RPL18: variants seen among roughly 807,000 people sequenced by gnomAD.
RPL18 encodes the protein large ribosomal subunit protein eL18.
In RPL18, 4 loss-of-function variants were observed where a neutral mutation model predicts 25.0. The ratio of observed to expected loss-of-function variants is 0.16; its 90% CI spans 0.08 to 0.37. RPL18 has a LOEUF of 0.37. Among genes scored for constraint, RPL18 ranks in the 10% least tolerant of loss-of-function variants. The probability of loss-of-function intolerance (pLI) is 1.00; values close to 1 mark genes in which losing one functional copy is unlikely to be tolerated. For missense variants in RPL18, 179 were observed against 267.9 expected, an observed-to-expected ratio of 0.67 and a Z score of 2.32; for synonymous variants, 129 against 101.6, an observed-to-expected ratio of 1.27 and a Z score of -1.62.
At position 48,619,146 on chromosome 19, in the gene RPL18, T is replaced by C. The variant is rs749854423; in HGVS notation, c.-3A>G. ...ACGCCGCAAAGCGAGCTCACCATGA[T>C]GGCGCCTCCTGCTCGGCCAGGTCCG... On this transcript the variant is annotated 5_prime_UTR_variant, in exon 1 of 7. Transcript: ENST00000549920. The C allele has an allele frequency of 2.9e-5, 38 of 1,299,558 alleles. No homozygotes were observed. Among genetic ancestry groups the C allele is most frequent in the South Asian group, 8.4e-5 (7 of 83,678 alleles). The allele number at this position is 1,299,558 out of a possible 1,614,324, so 80.5% of individuals were successfully genotyped here. A position where few individuals can be genotyped will look rare whatever the true frequency, so the allele number is the denominator to read the frequency against.
At chr19:48,615,801 G>T in intron 6 of RPL18, 76 bp downstream of exon 6, 1 of 1,321,134 alleles carries the variant, frequency 7.6e-7, no homozygotes, top group Non-Finnish European at 1.1e-6. Context: ...GATAGGAGAA[G>T]CAGCCCAAGT....
At chr19:48,617,102 A>G (rs554259327) in intron 3 of RPL18, 1 of 706,858 alleles carries the variant, frequency 1.4e-6, no homozygotes, top group South Asian at 1.5e-5. Context: ...GGACACCTCC[A>G]CCTCACAAAG....
At chr19:48,617,275 C>T (rs140705084) in intron 3 of RPL18, 41 bp downstream of exon 3, 99 of 1,466,630 alleles carry the variant, frequency 6.8e-5, no homozygotes, top group African/African-American at 8.3e-5. Context: ...CAAGACCCAG[C>T]GGCTCCCAGG....
Position 48,616,558 on chromosome 19 carries a change from G to C in RPL18, c.297+168C>G, listed in dbSNP as rs559526930. Reference sequence around the variant, plus strand: ...CCCAGGGGACCCCACCATCAACCATGCCAGAGACGACCCACACCAATCCTC... The same window carrying C: ...CCCAGGGGACCCCACCATCAACCATCCCAGAGACGACCCACACCAATCCTC... On this transcript the variant is annotated intron_variant, in intron 4 of 6. Transcript: ENST00000549920. 88 of 718,190 alleles carry C rather than the reference G, an allele frequency of 1.2e-4. No individual in the cohort carries two copies. In the African/African-American group the frequency reaches 1.5e-3, roughly 12 times the overall value. 44.5% of individuals were successfully genotyped at this position (718,190 alleles called of 1,614,324 possible).
intron 6 of RPL18, 110 bp downstream of exon 6, chr19:48,615,767 G>A (rs1974147379): frequency 3.1e-6 from 3 of 956,708 alleles, no homozygotes; most frequent in African/African-American, 1.6e-5. Flanking sequence ...AGTTCCAGAA[G>A]GCCTGGGGCT....
intron 4 of RPL18, 163 bp from the exon 5 acceptor site, chr19:48,616,365 CG>C (rs1974172106): frequency 2.4e-6 from 2 of 817,738 alleles, no homozygotes; most frequent in African/African-American, 3.4e-5. Context: ...TCAACACTTC[CG>C]GAACTTTCAC....
chr19:48,617,820 G>C lies in RPL18; in HGVS notation c.61C>G (p.Gln21Glu), dbSNP rs1225808453. 1 of 1,614,200 alleles carries C rather than the reference G, an allele frequency of 6.2e-7. No individual in the cohort carries two copies. The highest frequency in any genetic ancestry group is 2.2e-5 in the East Asian group (1 of 44,890). The stretch of plus-strand genomic sequence containing the variant: ...ACCAACAGCCTCAGGTAGATATCCT[G>C]GCTCTTGGGCTCCTTGCGCCGAACC... ...RKVRRKEPKSQDIYLRLLVKL... is the reference protein window; with the variant it reads ...RKVRRKEPKSEDIYLRLLVKL... The change falls in exon 2 of 7, where the codon CAG becomes GAG. Residue 21 changes from glutamine (Q) to glutamate (E), a missense_variant. Coordinates refer to ENST00000549920, the MANE Select transcript of RPL18 (RefSeq NM_000979.4).
chr19:48,616,018 G>C, intron 5 of RPL18, 61 bp downstream of exon 5: 1 of 1,613,766 alleles, frequency 6.2e-7, no homozygotes, highest in Non-Finnish European at 8.5e-7. Flanking sequence ...AGATCCAGGA[G>C]GGTGAAGGCT....
chr19:48,616,886 G>A, intron 3 of RPL18, 62 bp from the exon 4 acceptor site: 1 of 1,249,286 alleles, frequency 8.0e-7, no homozygotes, highest in East Asian at 2.3e-5. Flanking sequence ...CCCCGCTTGA[G>A]GCATCCCCAG....
rs552088682 is a variant in RPL18 at position 48,616,580 on chromosome 19, C to A, written c.297+146G>T. 27 of 751,800 alleles carry A rather than the reference C, an allele frequency of 3.6e-5. No individual in the cohort carries two copies. In the African/African-American group the frequency reaches 4.3e-4, roughly 12 times the overall value. 46.6% of individuals were successfully genotyped at this position (751,800 alleles called of 1,614,324 possible). ...CATGCCAGAGACGACCCACACCAATCCTCAAAGCCACTCAGACAGGCAGGA... is the reference window on the plus strand; with the variant it reads ...CATGCCAGAGACGACCCACACCAATACTCAAAGCCACTCAGACAGGCAGGA... On this transcript the variant is annotated intron_variant, in intron 4 of 6. Coordinates refer to ENST00000549920, the MANE Select transcript of RPL18 (RefSeq NM_000979.4).
intron 1 of RPL18, 22 bp from the exon 2 acceptor site, chr19:48,617,899 C>G: frequency 2.5e-6 from 4 of 1,573,416 alleles, no homozygotes; most frequent in Non-Finnish European, 3.5e-6. Flanking sequence ...AAGAGGCAAC[C>G]ATGGACCCAA....
In RPL18 at chr19:48,616,842, G is replaced by A. The variant is rs371907979; in HGVS notation, c.199-18C>T. 3.8e-6 allele frequency: 6 copies of A among 1,585,264 alleles called. No individual in the cohort carries two copies. The highest frequency in any genetic ancestry group is 1.9e-4 in the Middle Eastern group (1 of 5,256). ...TTCCGGATCTTAGGGTGGGGAGGAT[G>A]TACGTCGTAAGTTGTTCTGGTGTTT... On this transcript the variant is annotated intron_variant, in intron 3 of 6. Transcript: ENST00000549920.
At chr19:48,617,049 AT>A (rs1691731305) in intron 3 of RPL18, 1 of 702,598 alleles carries the variant, frequency 1.4e-6, no homozygotes, top group African/African-American at 1.7e-5. Context: ...AGCCTTTGAC[AT>A]AAAACTCAGT....
intron 3 of RPL18, chr19:48,617,064 G>A: frequency 1.4e-6 from 1 of 702,820 alleles, no homozygotes; most frequent in South Asian, 1.5e-5. Flanking sequence ...ACTCAGTTAT[G>A]ACTTGGGGCA....
At chr19:48,617,599 T>A in intron 2 of RPL18, 176 bp from the exon 3 acceptor site, 1 of 686,338 alleles carries the variant, frequency 1.5e-6, no homozygotes, top group Non-Finnish European at 2.5e-6. Context: ...ACCTAGAAAA[T>A]CCTGGCTCCA....
Position 48,615,348 on chromosome 19 carries a change from T to A in RPL18, c.*24A>T. 6.3e-7 allele frequency: 1 copy of A among 1,578,958 alleles called. No homozygotes were observed. The highest frequency in any genetic ancestry group is 8.7e-7 in the Non-Finnish European group (1 of 1,155,536). On this transcript the variant is annotated 3_prime_UTR_variant, in exon 7 of 7. Coordinates refer to ENST00000549920, the MANE Select transcript of RPL18 (RefSeq NM_000979.4). ...CAGAGCACTGTCAGCAAAAATCTTT[T>A]TAATAAGAGAGTAGGATCCAGGGTT...
rs1457936149 is a variant in RPL18, at chr19:48,617,394, G to C, written c.120C>G (p.Asn40Lys). The change falls in exon 3 of 7, where the codon AAC (asparagine) becomes AAG (lysine). Residue 40 changes from asparagine (N) to lysine (K), a missense_variant. Asn to Lys is a moderately conservative substitution (Grantham distance 94). Transcript: ENST00000549920. ...TCAACACAACCTGGTTGAATGTGGAGTTGGTTCTTCTGGCCAGAAACCTGT... is the reference window on the plus strand; with the variant it reads ...TCAACACAACCTGGTTGAATGTGGACTTGGTTCTTCTGGCCAGAAACCTGT... The part of the protein sequence containing the change: ...KLYRFLARRT[N>K]STFNQVVLKR... The C allele has an allele frequency of 6.2e-7, 1 of 1,614,212 alleles. No individual in the cohort carries two copies. The highest frequency in any genetic ancestry group is 8.5e-7 in the Non-Finnish European group (1 of 1,180,016).
rs1974152960 is a variant in RPL18, at chr19:48,615,910, C to A, written c.458G>T (p.Gly153Val). 1 of 1,613,032 alleles carries A rather than the reference C, an allele frequency of 6.2e-7. No homozygotes were observed. Among genetic ancestry groups the A allele is most frequent in the Non-Finnish European group, 8.5e-7 (1 of 1,179,586 alleles). The change falls in exon 6 of 7, where the codon GGC becomes GTC. Residue 153 changes from glycine to valine, a missense_variant. Gly to Val is a moderately radical substitution (Grantham distance 109). Transcript: ENST00000549920. ...RKGREVYRHF[G>V]KAPGTPHSHT... ...GCTGTGCGGGGTTCCTGGGGCCTTG[C>A]CGAAATGCCGGTACACCTCTCGGCC...
chr19:48,615,391 C>T lies in RPL18; in HGVS notation c.548G>A (p.Ser183Asn). ...CCAGGGTTAGTTTTTGTAGCCTCGG[C>T]TGGCCCGTCGGCCTCTGGCACGCTC... The part of the protein sequence containing the change: ...KFERARGRRA[S>N]RGYKN Residue 183 changes from serine (S) to asparagine (N), a missense_variant, in exon 7 of 7, where the codon AGC (serine) becomes AAC (asparagine). Physicochemically the swap from Ser to Asn is conservative, Grantham distance 46. Coordinates refer to ENST00000549920, the MANE Select transcript of RPL18 (RefSeq NM_000979.4). 6.2e-7 allele frequency: 1 copy of T among 1,612,652 alleles called. No individual in the cohort carries two copies. The highest frequency in any genetic ancestry group is 8.5e-7 in the Non-Finnish European group (1 of 1,179,394).
Sources: gnomAD v4.1 joint callset for allele counts on GRCh38, gnomAD v4.1.1 for gene constraint, MANE v1.5 for transcripts, NCBI Gene and HGNC (gene_info 2026-07-23, HGNC 2026-07-21) for gene names.